Variants in ARL6IP1 observed in about 807,000 individuals in gnomAD.
ARL6IP1 encodes ADP-ribosylation factor-like protein 6-interacting protein 1.
Under a neutral mutation model 30.1 loss-of-function variants are expected in ARL6IP1, and 16 were observed. The observed-to-expected ratio is 0.53, with a 90% CI of 0.36 to 0.81. The LOEUF is 0.81. Among genes scored for constraint, ARL6IP1 ranks in the 30% least tolerant of loss-of-function variants. The probability of loss-of-function intolerance (pLI) is 0.01; values close to 1 mark genes in which losing one functional copy is unlikely to be tolerated. For synonymous variants in ARL6IP1, 72 were observed against 84.8 expected (o/e 0.85, Z 0.83); for missense variants, 173 against 242.7 (o/e 0.71, Z 1.91).
chr16:18,795,714 G>A, intron 3 of ARL6IP1, 133 bp from the exon 4 acceptor site: 1 of 629,326 alleles, frequency 1.6e-6, no homozygotes, highest in Non-Finnish European at 2.7e-6. Context: ...ATCTTATGTA[G>A]GTGAAAAAAT....
chr16:18,791,956 TACA>T lies in ARL6IP1; in HGVS notation c.*1293_*1295del, dbSNP rs2030082056. On this transcript the variant is annotated 3_prime_UTR_variant, in exon 6 of 6. Transcript: ENST00000304414. Reference sequence around the variant, plus strand: ...TAATAGGGACAGATATACCACAAGGTACAACATCAGTGCAATAAATTCACAAAA... The same window carrying T: ...TAATAGGGACAGATATACCACAAGGTACATCAGTGCAATAAATTCACAAAA... 1 of 152,612 alleles carries T rather than the reference TACA, an allele frequency of 6.6e-6. No homozygotes were observed. The highest frequency in any genetic ancestry group is 1.5e-5 in the Non-Finnish European group (1 of 68,038). 9.5% of individuals were successfully genotyped at this position (152,612 alleles called of 1,614,324 possible). A position where few individuals can be genotyped will look rare whatever the true frequency, so the allele number is the denominator to read the frequency against.
At chr16:18,798,370 C>T (rs1183120699) in intron 2 of ARL6IP1, 1 of 308,522 alleles carries the variant, frequency 3.2e-6, no homozygotes, top group Non-Finnish European at 5.9e-6. Flanking sequence ...AGCAAACCAC[C>T]ATGGCACATG....
chr16:18,798,634 A>T, intron 2 of ARL6IP1, 67 bp downstream of exon 2: 1 of 1,536,018 alleles, frequency 6.5e-7, no homozygotes, highest in South Asian at 1.3e-5. Context: ...CCACAAACAG[A>T]AGCTATATAT....
In ARL6IP1 at chr16:18,798,558, T is replaced by G. The variant is rs2030313242; in HGVS notation, c.170+143A>C. 12 of 883,788 alleles carry G rather than the reference T, an allele frequency of 1.4e-5. No homozygotes were observed. In the East Asian group the frequency reaches 3.3e-4, roughly 25 times the overall value. The allele number at this position is 883,788 out of a possible 1,614,324, so 54.7% of individuals were successfully genotyped here. A position where few individuals can be genotyped will look rare whatever the true frequency, so the allele number is the denominator to read the frequency against. The stretch of plus-strand genomic sequence containing the variant: ...TACTACAAATTCTGGAAACTAGAAG[T>G]GCTTATGAGAAACATTCTTTATGGG... On this transcript the variant is annotated intron_variant, in intron 2 of 5. Coordinates refer to ENST00000304414, the MANE Select transcript of ARL6IP1 (RefSeq NM_015161.3).
rs1285261743 is a variant in ARL6IP1 at position 18,793,177 on chromosome 16, T to C, written c.*75A>G. On this transcript the variant is annotated 3_prime_UTR_variant, in exon 6 of 6. Coordinates refer to ENST00000304414, the MANE Select transcript of ARL6IP1 (RefSeq NM_015161.3). ...AAGAGCTACTTCCGTAACATTTTAG[T>C]ATCCAGATAGTACAGCAGAAACGGT... 4.4e-6 allele frequency: 4 copies of C among 902,758 alleles called. No homozygotes were observed. Among genetic ancestry groups the C allele is most frequent in the Non-Finnish European group, 5.2e-6 (3 of 576,830 alleles). 55.9% of individuals were successfully genotyped at this position (902,758 alleles called of 1,614,324 possible). A position where few individuals can be genotyped will look rare whatever the true frequency, so the allele number is the denominator to read the frequency against.
Position 18,799,340 on chromosome 16 carries a change from G to A in ARL6IP1, c.37-506C>T, listed in dbSNP as rs142438269. On this transcript the variant is annotated intron_variant, in intron 1 of 5. Coordinates refer to ENST00000304414, the MANE Select transcript of ARL6IP1 (RefSeq NM_015161.3). ...ATATCCTTTAATGGTCACTTTTCTA[G>A]TCCAAGCACTGGGCTATTCTTTATA... Among the ~76,000 whole-genome samples, 61 of 152,216 alleles carry A rather than the reference G, an allele frequency of 4.0e-4. No homozygotes were observed. In the East Asian group the frequency reaches 7.1e-3, roughly 18 times the overall value.
intron 5 of ARL6IP1, among the ~76,000 whole-genome samples, chr16:18,793,995 G>C (rs953872819): frequency 1.9e-4 from 29 of 151,908 alleles, no homozygotes; most frequent in Non-Finnish European, 4.0e-4. Flanking sequence ...GGGTGGGGGG[G>C]GTGGTGAGTG....
At position 18,795,523 on chromosome 16, in the gene ARL6IP1, G is replaced by A. The variant is rs772654054; in HGVS notation, c.349C>T (p.Arg117Cys). ...CGTTTCCACCAACCCACAGCTCTGC[G>A]TCGAGTTTTTACTAGATTGCTGCAA... The part of the protein sequence containing the change: ...EICSNLVKTR[R>C]RAVGWWKRLF... The change falls in exon 4 of 6, where the codon CGC becomes TGC. Residue 117 changes from arginine to cysteine, a missense_variant. Transcript: ENST00000304414. The A allele has an allele frequency of 1.2e-5, 19 of 1,613,516 alleles. No homozygotes were observed. Among genetic ancestry groups the A allele is most frequent in the African/African-American group, 8.0e-5 (6 of 74,866 alleles).
intron 5 of ARL6IP1, among the ~76,000 whole-genome samples, chr16:18,793,997 T>G (rs1019451520): frequency 1.2e-4 from 18 of 149,626 alleles, no homozygotes; most frequent in Non-Finnish European, 2.4e-4. Flanking sequence ...GTGGGGGGGG[T>G]GGTGAGTGCA....
chr16:18,793,762 T>C (rs2030143905), intron 5 of ARL6IP1, among the ~76,000 whole-genome samples: 1 of 151,720 alleles, frequency 6.6e-6, no homozygotes, highest in Non-Finnish European at 1.5e-5. Context: ...CAGGCTGGAG[T>C]GCAATGGCAC....
In ARL6IP1 at chr16:18,798,036, T is replaced by C. The variant is rs2030293902; in HGVS notation, c.179A>G (p.Tyr60Cys). Reference sequence around the variant, plus strand: ...GGACAGAACAGATGGATCTAGATAGTAGATAATCCTGTTAAAAAAATTAAT... The same window carrying C: ...GGACAGAACAGATGGATCTAGATAGCAGATAATCCTGTTAAAAAAATTAAT... ...GVVSLVFLII[Y>C]YLDPSVLSGV... is the part of the protein sequence containing the mutation. The change falls in exon 3 of 6, where the codon TAC becomes TGC. Residue 60 changes from tyrosine (Y) to cysteine (C), a missense_variant. Coordinates refer to ENST00000304414, the MANE Select transcript of ARL6IP1 (RefSeq NM_015161.3). 6.3e-6 allele frequency: 10 copies of C among 1,581,556 alleles called. No homozygotes were observed. The highest frequency in any genetic ancestry group is 2.3e-5 in the East Asian group (1 of 43,730).
At chr16:18,799,847 T>G (rs1321956109) in intron 1 of ARL6IP1, among the ~76,000 whole-genome samples, 2 of 152,210 alleles carry the variant, frequency 1.3e-5, no homozygotes, top group African/African-American at 4.8e-5. Flanking sequence ...TGAGCTAATG[T>G]GGCAAAAGCC....
At chr16:18,797,154 C>T (rs534594833) in intron 3 of ARL6IP1, among the ~76,000 whole-genome samples, 47 of 151,646 alleles carry the variant, frequency 3.1e-4, no homozygotes, top group African/African-American at 1.1e-3. Flanking sequence ...CCGAGGCGGG[C>T]GGATCACAAG....
intron 1 of ARL6IP1, among the ~76,000 whole-genome samples, chr16:18,799,964 G>C (rs1365743930): frequency 3.3e-5 from 5 of 152,174 alleles, no homozygotes; most frequent in African/African-American, 9.7e-5. Flanking sequence ...CCCAGCACTT[G>C]GCGGGTCGGG....
At chr16:18,796,255 C>T (rs534341750) in intron 3 of ARL6IP1, among the ~76,000 whole-genome samples, 3 of 152,246 alleles carry the variant, frequency 2.0e-5, no homozygotes, top group South Asian at 2.1e-4. Context: ...GCACTGTCTT[C>T]GCTACACAGC....
intron 1 of ARL6IP1, 131 bp downstream of exon 1, chr16:18,801,300 G>C: frequency 6.6e-7 from 1 of 1,506,854 alleles, no homozygotes; most frequent in Non-Finnish European, 8.9e-7. Context: ...CCGAGGGCCA[G>C]GCATCGTCGC....
In ARL6IP1 at chr16:18,793,233, A is replaced by G. The variant is rs183897858; in HGVS notation, c.*19T>C. 1 of 1,494,852 alleles carries G rather than the reference A, an allele frequency of 6.7e-7. No individual in the cohort carries two copies. The highest frequency in any genetic ancestry group is 9.3e-7 in the Non-Finnish European group (1 of 1,076,104). 92.6% of individuals were successfully genotyped at this position (1,494,852 alleles called of 1,614,324 possible). Reference sequence around the variant, plus strand: ...GGGCAATGGGTGCTGCATTAATCACACTGATTAAAGCAGATGAATCATTCG... The same window carrying G: ...GGGCAATGGGTGCTGCATTAATCACGCTGATTAAAGCAGATGAATCATTCG... On this transcript the variant is annotated 3_prime_UTR_variant, in exon 6 of 6. Transcript: ENST00000304414.
chr16:18,793,948 A>T (rs556701769), intron 5 of ARL6IP1, among the ~76,000 whole-genome samples: 46 of 147,508 alleles, frequency 3.1e-4, no homozygotes, highest in African/African-American at 1.1e-3. Context: ...TCCTGACCTC[A>T]GGTGATCAGA....
rs778507286 is a variant in ARL6IP1 at position 18,795,505 on chromosome 16, A to G, written c.367T>C (p.Trp123Arg). 1.9e-6 allele frequency: 3 copies of G among 1,613,534 alleles called. No homozygotes were observed. Among genetic ancestry groups the G allele is most frequent in the Non-Finnish European group, 2.5e-6 (3 of 1,179,884 alleles). ...VKTRRRAVGW[W>R]KRLFTLKEEK... The stretch of plus-strand genomic sequence containing the variant: ...TCCTTTAGTGTGAAGAGGCGTTTCC[A>G]CCAACCCACAGCTCTGCGTCGAGTT... The change falls in exon 4 of 6, where the codon TGG becomes CGG. Residue 123 changes from tryptophan to arginine, a missense_variant. Coordinates refer to ENST00000304414, the MANE Select transcript of ARL6IP1 (RefSeq NM_015161.3).
Sources: gnomAD v4.1 joint callset for allele counts (sites outside exome capture counted in the v4.1 genomes callset) on GRCh38, gnomAD v4.1.1 for gene constraint, MANE v1.5 for transcripts, NCBI Gene and HGNC (gene_info 2026-07-23, HGNC 2026-07-21) for gene names.